The following NIPAL3 variants were observed in gnomAD, a reference collection of about 807,000 sequenced individuals.
NIPAL3 encodes the protein NIPA like domain containing 3.
NIPAL3 carries 41 observed loss-of-function variants against 47.2 expected under a neutral mutation model. That is an observed-to-expected ratio of 0.87 (90% CI 0.68 to 1.13). The LOEUF is 1.13. Among genes scored for constraint, NIPAL3 ranks in the 50% most tolerant of loss-of-function variants. The pLI, the probability that NIPAL3 is intolerant of heterozygous loss-of-function variation, is 0.00. For missense variants in NIPAL3, 449 were observed against 530.1 expected (o/e 0.85, Z 1.50); for synonymous variants, 194 against 209.6 (o/e 0.93, Z 0.64).
rs189822011 is a variant in NIPAL3 at position 24,451,356 on chromosome 1, A to G, written c.540+1730A>G. Among the ~76,000 whole-genome samples the G allele has an allele frequency of 1.3e-3, 196 of 152,300 alleles. 2 individuals are homozygous for G. The highest frequency in any genetic ancestry group is 4.5e-3 in the African/African-American group (186 of 41,562). ...TGGGAGGCACCACATATGCACAGCC[A>G]TCTCATGATATAATGTCCAGTGCTA... On this transcript the variant is annotated intron_variant, in intron 6 of 11. Coordinates refer to ENST00000374399, the MANE Select transcript of NIPAL3 (RefSeq NM_020448.5). The surrounding 1 kb of genome is among the most constrained non-coding windows in gnomAD (Gnocchi z 4.5).
chr1:24,415,726 C>T (rs1643986707), upstream of NIPAL3: 2 of 544,406 alleles, frequency 3.7e-6, no homozygotes, highest in African/African-American at 2.1e-5. Flanking sequence ...TGCCTGCCAA[C>T]TTCTGACTGG....
intron 4 of NIPAL3, among the ~76,000 whole-genome samples, chr1:24,444,032 A>G (rs1232848870): frequency 6.7e-6 from 1 of 148,158 alleles, no homozygotes; most frequent in Non-Finnish European, 1.5e-5. Context: ...TTTTTTTTTA[A>G]AGAGGCCAAG....
chr1:24,419,171 T>A (rs1007883308), intron 1 of NIPAL3, 120 bp from the exon 2 acceptor site: 3 of 359,104 alleles, frequency 8.4e-6, no homozygotes, highest in Non-Finnish European at 1.2e-5. Context: ...ATTTTTTTAA[T>A]GGACTCACTT....
At chr1:24,428,799 A>G (rs1056632453) in intron 2 of NIPAL3, among the ~76,000 whole-genome samples, 3 of 151,998 alleles carry the variant, frequency 2.0e-5, no homozygotes, top group East Asian at 1.9e-4. Flanking sequence ...TTGGCCTCCA[A>G]TGTTTTTGCT....
chr1:24,457,076 T>A (rs934860503), intron 8 of NIPAL3, among the ~76,000 whole-genome samples: 1 of 152,076 alleles, frequency 6.6e-6, no homozygotes, highest in Non-Finnish European at 1.5e-5. Context: ...TGTGAGAAAT[T>A]TGTGGTTGGA....
At chr1:24,437,158 A>G (rs1460695524) in intron 2 of NIPAL3, among the ~76,000 whole-genome samples, 1 of 152,108 alleles carries the variant, frequency 6.6e-6, no homozygotes, top group African/African-American at 2.4e-5. Context: ...AGGCTGAGGC[A>G]GGAGAATGGC....
chr1:24,469,156 C>G lies in NIPAL3; in HGVS notation c.1192C>G (p.Arg398Gly). 6.2e-7 allele frequency: 1 copy of G among 1,613,962 alleles called. No homozygotes were observed. Among genetic ancestry groups the G allele is most frequent in the African/African-American group, 1.3e-5 (1 of 75,030 alleles). ...CAGAAGTGCCTCTGGGGTCCCCTACCGAGTCCTAGAGCACACCAAGAAGGA... is the reference window on the plus strand; with the variant it reads ...CAGAAGTGCCTCTGGGGTCCCCTACGGAGTCCTAGAGCACACCAAGAAGGA... The part of the protein sequence containing the change: ...GSRSASGVPY[R>G]VLEHTKKE Residue 398 changes from arginine to glycine, a missense_variant, in exon 12 of 12, where the codon CGA becomes GGA. Transcript: ENST00000374399.
chr1:24,426,567 G>T (rs1317777052), intron 2 of NIPAL3, among the ~76,000 whole-genome samples: 1 of 152,184 alleles, frequency 6.6e-6, no homozygotes, highest in East Asian at 1.9e-4. Flanking sequence ...AAGGTGTACA[G>T]TTATCCTAAA....
chr1:24,419,631 C>T lies in NIPAL3; in HGVS notation c.84C>T (p.Phe28=), dbSNP rs780306794. The stretch of plus-strand genomic sequence containing the variant: ...CCAGCGCCGTAAGCGAGGCCTCCTT[C>T]TCCTACAAGGCAAGGGCTTTTTTGG... ...SSSSAVSEAS[F]SYKENLIGAL... The change falls in exon 2 of 12, where the codon TTC becomes TTT. Residue 28 remains phenylalanine, a synonymous_variant. Transcript: ENST00000374399. 1 of 1,613,880 alleles carries T rather than the reference C, an allele frequency of 6.2e-7. No homozygotes were observed. The highest frequency in any genetic ancestry group is 8.5e-7 in the Non-Finnish European group (1 of 1,179,858).
At chr1:24,434,922 G>A (rs1350336232) in intron 2 of NIPAL3, among the ~76,000 whole-genome samples, 1 of 151,988 alleles carries the variant, frequency 6.6e-6, no homozygotes, top group African/African-American at 2.4e-5. Flanking sequence ...AATCCATATG[G>A]AAGTCCAGGG....
intron 10 of NIPAL3, among the ~76,000 whole-genome samples, chr1:24,461,247 A>T (rs1026718857): frequency 1.3e-5 from 2 of 152,012 alleles, no homozygotes; most frequent in African/African-American, 4.8e-5. Context: ...CACATTCATC[A>T]AAAAAAATCA....
intron 2 of NIPAL3, among the ~76,000 whole-genome samples, chr1:24,436,944 GC>G (rs1645142394): frequency 6.6e-6 from 1 of 151,802 alleles, no homozygotes; most frequent in Non-Finnish European, 1.5e-5. Flanking sequence ...TTTTTTGTAT[GC>G]AAGGAGCATT....
chr1:24,419,830 C>T, intron 2 of NIPAL3, 190 bp downstream of exon 2: 1 of 531,244 alleles, frequency 1.9e-6, no homozygotes. Context: ...TGGCTCACAC[C>T]TGTAATCCCA....
At chr1:24,452,806 C>T (rs574398600) in intron 6 of NIPAL3, among the ~76,000 whole-genome samples, 89 of 151,742 alleles carry the variant, frequency 5.9e-4, no homozygotes, top group Middle Eastern at 7.0e-3. Flanking sequence ...CCTGCCTCAG[C>T]CTCCTGAGTA....
At chr1:24,462,974 T>G (rs1646540608) in intron 10 of NIPAL3, among the ~76,000 whole-genome samples, 1 of 151,812 alleles carries the variant, frequency 6.6e-6, no homozygotes. Context: ...ACAAAAATAC[T>G]AAAAATACTA....
intron 2 of NIPAL3, among the ~76,000 whole-genome samples, chr1:24,426,379 C>T (rs1190532952): frequency 6.6e-6 from 1 of 151,958 alleles, no homozygotes; most frequent in Non-Finnish European, 1.5e-5. Context: ...ACTGCAACCT[C>T]TACCTTCTGG....
In NIPAL3 at chr1:24,441,974, G is replaced by A. The variant is rs769321923; in HGVS notation, c.163-81G>A. ...GTCTTCCCAATTTATTTGCAAGTTG[G>A]GGGTGGATTTAGGGTACCTACATCA... is the stretch of plus-strand genomic sequence containing the variant. On this transcript the variant is annotated intron_variant, in intron 3 of 11. Transcript: ENST00000374399. 122 of 1,426,854 alleles carry A rather than the reference G, an allele frequency of 8.6e-5. 1 individual carries two copies. Among genetic ancestry groups the A allele is most frequent in the Admixed American group, 1.3e-4 (7 of 52,428 alleles). The allele number at this position is 1,426,854 out of a possible 1,614,324, so 88.4% of individuals were successfully genotyped here.
rs201215627 is a variant in NIPAL3 at position 24,456,256 on chromosome 1, C to T, written c.756C>T (p.Thr252=). 9.0e-5 allele frequency: 145 copies of T among 1,614,182 alleles called. No individual in the cohort carries two copies. The East Asian group carries it at 2.2e-3, about 25-fold the overall frequency. Residue 252 remains threonine (T), a synonymous_variant, in exon 8 of 12, where the codon ACC becomes ACT. Transcript: ENST00000374399. ...FYVMFVCMVA[T]AVYQAAFLSQ... ...TGATGTTCGTGTGCATGGTGGCAAC[C>T]GCCGTCTATCAGGCTGCGTGAGTTA...
rs1219599290 is a variant in NIPAL3 at position 24,423,639 on chromosome 1, C to A, written c.93+3999C>A. On this transcript the variant is annotated intron_variant, in intron 2 of 11. Coordinates refer to ENST00000374399, the MANE Select transcript of NIPAL3 (RefSeq NM_020448.5). ...ATCGAGACTCCGCCTCACACACACA[C>A]ACAAAAAAGGCATATCATGCTGCAG... 2.6e-5 allele frequency among the ~76,000 whole-genome samples: 4 copies of A among 151,842 alleles called. No homozygotes were observed. The South Asian group carries it at 8.3e-4, about 32-fold the overall frequency.
Sources: allele counts gnomAD v4.1 joint callset (sites outside exome capture counted in the v4.1 genomes callset), GRCh38; gene constraint gnomAD v4.1.1; non-coding constraint Gnocchi (gnomAD v3.1); transcripts MANE v1.5; gene names NCBI Gene and HGNC (gene_info 2026-07-23, HGNC 2026-07-21).